The following CIAO3 variants were observed in gnomAD, a reference collection of about 807,000 sequenced individuals.
CIAO3 encodes cytosolic iron-sulfur assembly component 3.
In CIAO3, 45 loss-of-function variants were observed where a neutral mutation model predicts 51.5. That is an observed-to-expected ratio of 0.87 (90% confidence interval 0.69 to 1.12). The LOEUF is 1.12. CIAO3 is among the 50% of genes most tolerant of loss of function. CIAO3 has a pLI of 0.00. For missense variants in CIAO3, 668 were observed against 632.5 expected (o/e 1.06, Z -0.60); for synonymous variants, 314 against 269.3 (o/e 1.17, Z -1.63).
At chr16:739,571 G>T in intron 2 of CIAO3, 72 bp downstream of exon 2, 2 of 1,445,824 alleles carry the variant, frequency 1.4e-6, no homozygotes, top group African/African-American at 1.4e-5. Context: ...GCTCTGTGAC[G>T]GGAGGAAGCA....
chr16:731,809 A>G, intron 8 of CIAO3, 107 bp from the exon 9 acceptor site: 1 of 1,380,316 alleles, frequency 7.2e-7, no homozygotes, highest in Non-Finnish European at 9.5e-7. Context: ...CAGGTGGGAG[A>G]CAAGTCACAG....
Position 737,221 on chromosome 16 carries a change from G to A in CIAO3, c.271C>T (p.His91Tyr), listed in dbSNP as rs776273731. 1.3e-5 allele frequency: 21 copies of A among 1,613,666 alleles called. No individual in the cohort carries two copies. Among genetic ancestry groups the A allele is most frequent in the Non-Finnish European group, 1.7e-5 (20 of 1,180,026 alleles). Residue 91 changes from histidine to tyrosine, a missense_variant, in exon 3 of 11, where the codon CAC (histidine) becomes TAC (tyrosine). Physicochemically the swap from His to Tyr is moderately conservative, Grantham distance 83. Coordinates refer to ENST00000251588, the MANE Select transcript of CIAO3 (RefSeq NM_022493.3). The surrounding 1 kb of genome is among the most constrained non-coding windows in gnomAD (Gnocchi z 5.3). ...TCTAGAACCTTCTTCAGCTCCTCGT[G>A]GCTCTGCTGGGTGATAAGCACGGTC... ...AETVLITQQS[H>Y]EELKKVLDAN...
At chr16:739,448 T>G in intron 2 of CIAO3, 195 bp downstream of exon 2, 1 of 615,892 alleles carries the variant, frequency 1.6e-6, no homozygotes, top group African/African-American at 1.8e-5. Context: ...CTGTTTGGCC[T>G]GGGTGCTGCT....
At chr16:735,283 T>C (rs1424113894) in intron 4 of CIAO3, 4 of 173,316 alleles carry the variant, frequency 2.3e-5, no homozygotes, top group Admixed American at 1.1e-4. Context: ...AGACCTACCA[T>C]AGTGGCCACC....
chr16:737,596 A>C lies in CIAO3; in HGVS notation c.163-267T>G. On this transcript the variant is annotated intron_variant, in intron 2 of 10. Transcript: ENST00000251588. The surrounding 1 kb of genome is among the most constrained non-coding windows in gnomAD (Gnocchi z 5.3). ...AAGGCTTGCCACTGGTATCTCAGCA[A>C]AGCAGCAGCCACCCCACTCACCCAT... 7.0e-7 allele frequency: 1 copy of C among 1,429,374 alleles called. No individual in the cohort carries two copies. The highest frequency in any genetic ancestry group is 9.3e-7 in the Non-Finnish European group (1 of 1,079,936). The allele number at this position is 1,429,374 out of a possible 1,614,324, so 88.5% of individuals were successfully genotyped here. A position where few individuals can be genotyped will look rare whatever the true frequency, so the allele number is the denominator to read the frequency against.
intron 3 of CIAO3, chr16:736,884 G>C (rs1191342918): frequency 2.5e-6 from 1 of 394,452 alleles, no homozygotes; most frequent in Non-Finnish European, 4.7e-6. Context: ...CGGTGGTCTC[G>C]AACTCCTGAC....
At chr16:733,650 C>T in intron 6 of CIAO3, 1 of 603,004 alleles carries the variant, frequency 1.7e-6, no homozygotes, top group Non-Finnish European at 2.8e-6. Context: ...TGTGCCTGCG[C>T]TCCCTAACAG....
chr16:735,894 T>C (rs955450674), intron 4 of CIAO3, among the ~76,000 whole-genome samples: 1 of 152,154 alleles, frequency 6.6e-6, no homozygotes, highest in Non-Finnish European at 1.5e-5. Flanking sequence ...CTGGGGGCTC[T>C]CAAGACACCC....
chr16:731,600 T>C lies in CIAO3; in HGVS notation c.999A>G (p.Gly333=), dbSNP rs1185450524. 21 of 1,566,088 alleles carry C rather than the reference T, an allele frequency of 1.3e-5. No individual in the cohort carries two copies. In the East Asian group the frequency reaches 4.8e-4, roughly 36 times the overall value. ...TGTAGGTAACCTCAGCCACATGGAT[T>C]CCAAAGAGCTCTCGGGCCGCGTGCC... ...VFRHAARELF[G]IHVAEVTYKP... The change falls in exon 9 of 11, where the codon GGA becomes GGG. Residue 333 remains glycine (G), a synonymous_variant. Transcript: ENST00000251588.
Position 731,631 on chromosome 16 carries a change from A to T in CIAO3, c.968T>A (p.Val323Glu). ...GGGSGGYLEH[V>E]FRHAARELFG... ...GAGCTCTCGGGCCGCGTGCCGGAAC[A>T]CGTGCTCCAGGTAGCCCCCCGAGCC... Residue 323 changes from valine (V) to glutamate (E), a missense_variant, in exon 9 of 11, where the codon GTG becomes GAG. Val to Glu is a moderately radical substitution (Grantham distance 121). Coordinates refer to ENST00000251588, the MANE Select transcript of CIAO3 (RefSeq NM_022493.3). The T allele has an allele frequency of 1.3e-6, 2 of 1,561,358 alleles. No individual in the cohort carries two copies. Among genetic ancestry groups the T allele is most frequent in the Non-Finnish European group, 1.7e-6 (2 of 1,153,234 alleles).
Position 737,363 on chromosome 16 carries a change from C to A in CIAO3, c.163-34G>T, listed in dbSNP as rs751418991. ...GAGAAGAACCCGGTGCACAGGGGCCCCCTCTGCACGAGGACATGGAGACAG... is the reference window on the plus strand; with the variant it reads ...GAGAAGAACCCGGTGCACAGGGGCCACCTCTGCACGAGGACATGGAGACAG... On this transcript the variant is annotated intron_variant, in intron 2 of 10. Coordinates refer to ENST00000251588, the MANE Select transcript of CIAO3 (RefSeq NM_022493.3). This position sits in a 1 kb window ranked among gnomAD's most constrained non-coding sequence, Gnocchi z 5.3. 3.0e-5 allele frequency: 48 copies of A among 1,611,000 alleles called. No individual in the cohort carries two copies. The highest frequency in any genetic ancestry group is 3.9e-5 in the Non-Finnish European group (46 of 1,179,120).
chr16:740,127 C>G, intron 1 of CIAO3: 1 of 1,304,456 alleles, frequency 7.7e-7, no homozygotes, highest in Non-Finnish European at 1.0e-6. Context: ...ACCTCCTGCT[C>G]AGTGCCCGGG....
At chr16:731,077 G>T in intron 9 of CIAO3, 77 bp from the exon 10 acceptor site, 1 of 1,571,106 alleles carries the variant, frequency 6.4e-7, no homozygotes. Flanking sequence ...AGGCCTGCTG[G>T]GCTTCAGGGG....
At position 740,927 on chromosome 16, in the gene CIAO3, G is replaced by T. The variant is rs1248974306; in HGVS notation, c.59C>A (p.Pro20Gln). ...QLTDLDDFIGPSQECIKPVKV... is the reference protein window; with the variant it reads ...QLTDLDDFIGQSQECIKPVKV... Reference sequence around the variant, plus strand: ...CCGCCCAGGCCGGCCCACCTGAGACGGCCCGATGAAGTCATCCAGGTCCGT... The same window carrying T: ...CCGCCCAGGCCGGCCCACCTGAGACTGCCCGATGAAGTCATCCAGGTCCGT... The change falls in exon 1 of 11, where the codon CCG becomes CAG. Residue 20 changes from proline to glutamine, a missense_variant. Physicochemically the swap from Pro to Gln is moderately conservative, Grantham distance 76. Coordinates refer to ENST00000251588, the MANE Select transcript of CIAO3 (RefSeq NM_022493.3). 3.3e-6 allele frequency: 5 copies of T among 1,528,762 alleles called. No homozygotes were observed. Among genetic ancestry groups the T allele is most frequent in the Admixed American group, 4.0e-5 (2 of 50,612 alleles). 94.7% of individuals were successfully genotyped at this position (1,528,762 alleles called of 1,614,324 possible).
chr16:733,019 C>A, intron 7 of CIAO3: 1 of 436,128 alleles, frequency 2.3e-6, no homozygotes, highest in Non-Finnish European at 4.2e-6. Flanking sequence ...GCTGAAGAGG[C>A]TGCATTCGAG....
intron 2 of CIAO3, chr16:738,051 G>C: frequency 1.8e-6 from 2 of 1,085,038 alleles, no homozygotes; most frequent in Non-Finnish European, 2.2e-6. Context: ...CCAGCTCTCT[G>C]CTAGGCCTGT....
intron 7 of CIAO3, 127 bp downstream of exon 7, chr16:733,171 C>T (rs2041302955): frequency 8.2e-7 from 1 of 1,224,968 alleles, no homozygotes; most frequent in Non-Finnish European, 1.1e-6. Flanking sequence ...TACGTGCACG[C>T]ATGCGAGCCC....
chr16:730,295 C>T lies in CIAO3; in HGVS notation c.*122G>A. 2.9e-6 allele frequency: 3 copies of T among 1,017,554 alleles called. No homozygotes were observed. The highest frequency in any genetic ancestry group is 1.6e-5 in the African/African-American group (1 of 63,118). The allele number at this position is 1,017,554 out of a possible 1,614,324, so 63.0% of individuals were successfully genotyped here. ...GGGTCCTGGCTAGTCCTAGCTCCTA[C>T]TCGGGTCCCAGCACACCCTGCAGCT... is the stretch of plus-strand genomic sequence containing the variant. On this transcript the variant is annotated 3_prime_UTR_variant, in exon 11 of 11. Transcript: ENST00000251588.
chr16:736,594 A>T (rs1330933181), intron 3 of CIAO3, among the ~76,000 whole-genome samples, 196 bp from the exon 4 acceptor site: 1 of 151,564 alleles, frequency 6.6e-6, no homozygotes, highest in African/African-American at 2.4e-5. Flanking sequence ...AGCTCACTGC[A>T]TGCAACCTCC....
Sources: gnomAD v4.1 joint callset for allele counts (sites outside exome capture counted in the v4.1 genomes callset) on GRCh38, gnomAD v4.1.1 for gene constraint, Gnocchi (gnomAD v3.1) non-coding constraint, MANE v1.5 for transcripts, NCBI Gene and HGNC (gene_info 2026-07-23, HGNC 2026-07-21) for gene names.